DYRK1A: variants seen among roughly 807,000 people sequenced by gnomAD.
The protein encoded by DYRK1A is dual specificity tyrosine-phosphorylation-regulated kinase 1A.
In DYRK1A, 9 loss-of-function variants were observed where a neutral mutation model predicts 79.7. That is an observed-to-expected ratio of 0.11 (90% confidence interval 0.07 to 0.20). The LOEUF (loss-of-function observed/expected upper bound fraction) is 0.20, where lower values mean the gene tolerates loss of function less well. DYRK1A is among the 10% of genes least tolerant of loss of function. The probability of loss-of-function intolerance (pLI) is 1.00; values close to 1 mark genes in which losing one functional copy is unlikely to be tolerated. For synonymous variants in DYRK1A, 349 were observed against 329.7 expected (o/e 1.06, Z -0.63); for missense variants, 622 against 956.0 (o/e 0.65, Z 4.61).
intron 11 of DYRK1A, among the ~76,000 whole-genome samples, chr21:37,506,854 G>C (rs1185674246): frequency 6.6e-6 from 1 of 152,068 alleles, no homozygotes; most frequent in Non-Finnish European, 1.5e-5. Context: ...TGTAGTATTT[G>C]ATGGATGAGT....
intron 7 of DYRK1A, 34 bp downstream of exon 7, chr21:37,490,495 G>A: frequency 1.3e-6 from 2 of 1,583,646 alleles, no homozygotes; most frequent in African/African-American, 1.4e-5. Flanking sequence ...GAATTAAATA[G>A]AAATTAAATA....
intron 9 of DYRK1A, chr21:37,502,463 T>TA (rs2053478898): frequency 6.6e-6 from 1 of 152,234 alleles, no homozygotes; most frequent in African/African-American, 2.4e-5. Flanking sequence ...TATGCACGTT[T>TA]AACATTAGTT....
At chr21:37,384,479 C>T (rs2049720437) in intron 1 of DYRK1A, among the ~76,000 whole-genome samples, 1 of 152,144 alleles carries the variant, frequency 6.6e-6, no homozygotes, top group African/African-American at 2.4e-5. Context: ...AGACTCCTAG[C>T]TTTGCCTGAA....
At chr21:37,467,353 CTGAG>C (rs2052066410) in intron 2 of DYRK1A, among the ~76,000 whole-genome samples, 1 of 152,194 alleles carries the variant, frequency 6.6e-6, no homozygotes, top group Non-Finnish European at 1.5e-5. Context: ...CCTCAGCCTC[CTGAG>C]TAACTGGGAC....
At chr21:37,395,416 C>T (rs1341870630) in intron 1 of DYRK1A, among the ~76,000 whole-genome samples, 6 of 152,118 alleles carry the variant, frequency 3.9e-5, no homozygotes, top group Admixed American at 3.9e-4. Context: ...TGTGCTCCCG[C>T]TCCTCACCTC....
At chr21:37,370,472 G>A (rs1220934212) in intron 1 of DYRK1A, among the ~76,000 whole-genome samples, 2 of 152,150 alleles carry the variant, frequency 1.3e-5, no homozygotes, top group African/African-American at 2.4e-5. Context: ...TAGTAGAAGA[G>A]TGGGCTTCAC....
At chr21:37,391,310 C>T (rs1490910958) in intron 1 of DYRK1A, among the ~76,000 whole-genome samples, 1 of 151,938 alleles carries the variant, frequency 6.6e-6, no homozygotes, top group East Asian at 1.9e-4. Flanking sequence ...AGCTAGTTTC[C>T]TTGGCATCTT....
rs541674707 is a variant in DYRK1A, at chr21:37,416,591, C to A, written c.-76-3708C>A. 7.9e-5 allele frequency among the ~76,000 whole-genome samples: 12 copies of A among 152,028 alleles called. No individual in the cohort carries two copies. In the Middle Eastern group the frequency reaches 0.01, roughly 129 times the overall value. On this transcript the variant is annotated intron_variant, in intron 1 of 11. Coordinates refer to ENST00000647188, the MANE Select transcript of DYRK1A (RefSeq NM_001347721.2). ...AATTGCTATATGGAAAAAGTACTTT[C>A]TTCTGTCACTTCTTTAATTCGTTAG...
chr21:37,386,585 T>C (rs984062518), intron 1 of DYRK1A, among the ~76,000 whole-genome samples: 2 of 152,170 alleles, frequency 1.3e-5, no homozygotes, highest in Non-Finnish European at 2.9e-5. Flanking sequence ...TTCTTCAATT[T>C]ACCTGTCTAT....
chr21:37,471,323 G>A (rs1601195695), intron 2 of DYRK1A, among the ~76,000 whole-genome samples: 1 of 152,200 alleles, frequency 6.6e-6, no homozygotes. Context: ...CGTTGACTGC[G>A]TAGGAAATGG....
intron 1 of DYRK1A, chr21:37,415,439 T>G (rs2050319400): frequency 6.6e-6 from 1 of 152,184 alleles, no homozygotes; most frequent in South Asian, 2.1e-4. Context: ...TTTACCTTCC[T>G]TTCAGTTTGT....
chr21:37,365,784 G>C (rs550701845), upstream of DYRK1A: 1 of 152,522 alleles, frequency 6.6e-6, no homozygotes, highest in African/African-American at 2.4e-5. Flanking sequence ...CAGCACAAGG[G>C]GATTCATCTA....
chr21:37,417,921 G>C (rs2050388832), intron 1 of DYRK1A, among the ~76,000 whole-genome samples: 1 of 152,046 alleles, frequency 6.6e-6, no homozygotes, highest in Non-Finnish European at 1.5e-5. Context: ...GCATTTGATT[G>C]TTACTCCATA....
intron 2 of DYRK1A, among the ~76,000 whole-genome samples, chr21:37,449,847 A>T (rs796942018): frequency 2.6e-5 from 4 of 152,248 alleles, no homozygotes; most frequent in African/African-American, 9.6e-5. Flanking sequence ...AGTCTCTTGG[A>T]TGCAGACAAC....
At chr21:37,407,253 A>G (rs542699375) in intron 1 of DYRK1A, among the ~76,000 whole-genome samples, 2 of 152,306 alleles carry the variant, frequency 1.3e-5, no homozygotes, top group Admixed American at 1.3e-4. Flanking sequence ...TATATACTGT[A>G]GACAGCCTGA....
intron 1 of DYRK1A, among the ~76,000 whole-genome samples, chr21:37,371,627 T>C (rs1338573542): frequency 1.3e-5 from 2 of 152,250 alleles, no homozygotes; most frequent in African/African-American, 4.8e-5. Context: ...TGTATTACTG[T>C]TAAAACTAGG....
At chr21:37,419,111 C>T (rs2050414132) in intron 1 of DYRK1A, 1 of 152,098 alleles carries the variant, frequency 6.6e-6, no homozygotes, top group Admixed American at 6.6e-5. Flanking sequence ...GGAATTCTAC[C>T]AATAAGAGAT....
intron 2 of DYRK1A, among the ~76,000 whole-genome samples, chr21:37,437,532 G>T (rs2050960633): frequency 6.6e-6 from 1 of 152,156 alleles, no homozygotes; most frequent in Non-Finnish European, 1.5e-5. Flanking sequence ...GATGGATTTT[G>T]ACAAGTATTA....
chr21:37,464,182 G>T, intron 2 of DYRK1A: 2 of 360,202 alleles, frequency 5.6e-6, no homozygotes, highest in Non-Finnish European at 1.1e-5. Context: ...TTTTGTATTT[G>T]CTGTTTCCTC....
Sources: gnomAD v4.1 joint callset for allele counts (sites outside exome capture counted in the v4.1 genomes callset) on GRCh38, gnomAD v4.1.1 for gene constraint, MANE v1.5 for transcripts, NCBI Gene and HGNC (gene_info 2026-07-23, HGNC 2026-07-21) for gene names.